The following OLA1 variants were observed in gnomAD, a reference collection of about 807,000 sequenced individuals.
The protein encoded by OLA1 is obg-like ATPase 1.
In OLA1, 14 loss-of-function variants were observed where a neutral mutation model predicts 48.4. The ratio of observed to expected loss-of-function variants is 0.29; its 90% CI spans 0.19 to 0.45. The LOEUF (loss-of-function observed/expected upper bound fraction) is 0.45, where lower values mean the gene tolerates loss of function less well. OLA1 is among the 20% of genes least tolerant of loss of function. The pLI is 1.00. For missense variants in OLA1, 325 were observed against 467.1 expected (o/e 0.70, Z 2.80); for synonymous variants, 127 against 150.4 (o/e 0.84, Z 1.14).
intron 4 of OLA1, among the ~76,000 whole-genome samples, chr2:174,204,431 T>G (rs1688065203): frequency 6.6e-6 from 1 of 152,014 alleles, no homozygotes; most frequent in African/African-American, 2.4e-5. Flanking sequence ...AAAAAATCCT[T>G]TTGGAAATCA....
intron 7 of OLA1, among the ~76,000 whole-genome samples, chr2:174,105,554 C>T (rs1003162124): frequency 3.9e-5 from 6 of 151,910 alleles, no homozygotes; most frequent in South Asian, 2.1e-4. Flanking sequence ...CATACAACTA[C>T]GAATATTTCA....
chr2:174,238,233 T>C (rs1030950488), intron 2 of OLA1, among the ~76,000 whole-genome samples: 5 of 152,132 alleles, frequency 3.3e-5, no homozygotes, highest in African/African-American at 4.8e-5. Flanking sequence ...CGGTGGCTCA[T>C]ACCTGTAATC....
intron 4 of OLA1, among the ~76,000 whole-genome samples, chr2:174,157,028 A>C (rs1686902301): frequency 6.6e-6 from 1 of 152,032 alleles, no homozygotes; most frequent in Non-Finnish European, 1.5e-5. Flanking sequence ...AAAAAAAAAA[A>C]ATGAAAGAAA....
intron 5 of OLA1, among the ~76,000 whole-genome samples, chr2:174,140,877 T>C (rs912942313): frequency 3.3e-5 from 5 of 151,876 alleles, no homozygotes; most frequent in African/African-American, 9.7e-5. Context: ...ATTTACATAC[T>C]GTGTGTTGGT....
intron 4 of OLA1, among the ~76,000 whole-genome samples, chr2:174,205,528 C>T (rs1448426805): frequency 6.6e-6 from 1 of 152,196 alleles, no homozygotes; most frequent in Non-Finnish European, 1.5e-5. Context: ...TTGTCCTTTT[C>T]ACCTCAGGAA....
chr2:174,214,231 G>C, intron 4 of OLA1, among the ~76,000 whole-genome samples: 1 of 152,078 alleles, frequency 6.6e-6, no homozygotes, highest in Non-Finnish European at 1.5e-5. Flanking sequence ...TACTCAGAGG[G>C]CTAAGGCATG....
chr2:174,187,513 T>C (rs1231152862), intron 4 of OLA1, among the ~76,000 whole-genome samples: 1 of 152,214 alleles, frequency 6.6e-6, no homozygotes, highest in African/African-American at 2.4e-5. Context: ...CCATTTCTAA[T>C]TGGTTTCACA....
chr2:174,238,225 G>T (rs1211052144), intron 2 of OLA1, among the ~76,000 whole-genome samples: 1 of 152,142 alleles, frequency 6.6e-6, no homozygotes, highest in Non-Finnish European at 1.5e-5. Context: ...GCCAGCCACG[G>T]TGGCTCATAC....
At chr2:174,223,218 A>G (rs1411458757) in intron 3 of OLA1, 58 bp from the exon 4 acceptor site, 7 of 1,470,332 alleles carry the variant, frequency 4.8e-6, no homozygotes. Flanking sequence ...TCTATCAACC[A>G]AATGAATTCT....
chr2:174,075,613 T>A, intron 10 of OLA1, 86 bp from the exon 11 acceptor site: 1 of 788,784 alleles, frequency 1.3e-6, no homozygotes, highest in East Asian at 2.6e-5. Context: ...ATAAAAAGTA[T>A]TATACTACTT....
intron 4 of OLA1, among the ~76,000 whole-genome samples, chr2:174,154,465 A>C (rs11694065): frequency 0.53 from 80,684 of 151,756 alleles, 22,028 homozygotes; most frequent in East Asian, 0.95. Context: ...TTTCCCACTG[A>C]CTTTTTTGGG....
chr2:174,078,645 A>G (rs931588663), intron 10 of OLA1, among the ~76,000 whole-genome samples: 1 of 151,962 alleles, frequency 6.6e-6, no homozygotes, highest in African/African-American at 2.4e-5. Context: ...TTCAAATGTA[A>G]TAAGTACAAT....
At chr2:174,144,940 AAAAAAAAAAAAATATAT>A (rs1686546713) in intron 4 of OLA1, among the ~76,000 whole-genome samples, 1 of 68,210 alleles carries the variant, frequency 1.5e-5, no homozygotes, top group Non-Finnish European at 3.0e-5. Flanking sequence ...TAAAAAAAAA[AAAAAAAAAAAAATATAT>A]ATATATATAT....
intron 4 of OLA1, among the ~76,000 whole-genome samples, chr2:174,183,136 G>A (rs1326369514): frequency 1.3e-5 from 2 of 152,076 alleles, no homozygotes; most frequent in African/African-American, 2.4e-5. Context: ...CTTGGCTAAT[G>A]TAACTACTGT....
intron 7 of OLA1, among the ~76,000 whole-genome samples, chr2:174,098,149 G>A (rs1161621357): frequency 6.6e-6 from 1 of 152,154 alleles, no homozygotes; most frequent in South Asian, 2.1e-4. Context: ...GTTACAAATA[G>A]GCACGTGAAA....
intron 7 of OLA1, among the ~76,000 whole-genome samples, chr2:174,112,320 C>T (rs1374667894): frequency 6.6e-6 from 1 of 152,154 alleles, no homozygotes; most frequent in Non-Finnish European, 1.5e-5. Context: ...TCTCTCCATA[C>T]TTGCTTTTCA....
chr2:174,189,875 AAAC>A (rs200137444), intron 4 of OLA1, among the ~76,000 whole-genome samples: 40,151 of 132,452 alleles, frequency 0.3, 6,064 homozygotes, highest in East Asian at 0.75. Flanking sequence ...AAAAAAAAAA[AAAC>A]AAAACACACA....
At chr2:174,184,496 C>G (rs1391354497) in intron 4 of OLA1, among the ~76,000 whole-genome samples, 4 of 152,156 alleles carry the variant, frequency 2.6e-5, no homozygotes, top group African/African-American at 7.2e-5. Context: ...AAGAAACTAT[C>G]AGGAGAACAG....
At chr2:174,194,127 G>A (rs755042910) in intron 4 of OLA1, among the ~76,000 whole-genome samples, 2 of 152,162 alleles carry the variant, frequency 1.3e-5, no homozygotes, top group Non-Finnish European at 2.9e-5. Flanking sequence ...GTTGTATAGT[G>A]GAGAGAAGGA....
Sources: gnomAD v4.1 joint callset for allele counts (sites outside exome capture counted in the v4.1 genomes callset) on GRCh38, gnomAD v4.1.1 for gene constraint, MANE v1.5 for transcripts, NCBI Gene and HGNC (gene_info 2026-07-23, HGNC 2026-07-21) for gene names.